Variants in IL1RAPL2 observed in about 807,000 individuals in gnomAD.
IL1RAPL2 encodes the protein X-linked interleukin-1 receptor accessory protein-like 2.
In IL1RAPL2, 3 loss-of-function variants were observed where a neutral mutation model predicts 44.1. The observed-to-expected ratio is 0.07, with a 90% CI of 0.03 to 0.18. The LOEUF is 0.18. Among genes scored for constraint, IL1RAPL2 ranks in the 10% least tolerant of loss-of-function variants. The pLI, the probability that IL1RAPL2 is intolerant of heterozygous loss-of-function variation, is 1.00. For missense variants in IL1RAPL2, 391 were observed against 496.4 expected (o/e 0.79, Z 2.02); for synonymous variants, 181 against 178.8 (o/e 1.01, Z -0.10).
intron 2 of IL1RAPL2, among the ~76,000 whole-genome samples, chrX:104,872,529 C>T (rs1462980683): frequency 9.0e-6 from 1 of 111,323 alleles, no homozygotes; most frequent in Non-Finnish European, 1.9e-5. Flanking sequence ...TGGTAAAAAC[C>T]AAGGAGCTTG....
intron 7 of IL1RAPL2, among the ~76,000 whole-genome samples, chrX:105,727,571 T>G (rs780192787): frequency 5.4e-5 from 6 of 111,496 alleles, no homozygotes; most frequent in Admixed American, 9.6e-5. Flanking sequence ...AACTCTCTGG[T>G]GGCAGTTCAA....
intron 2 of IL1RAPL2, among the ~76,000 whole-genome samples, chrX:104,813,550 G>A (rs940667515): frequency 2.7e-5 from 3 of 111,597 alleles, no homozygotes; most frequent in Non-Finnish European, 5.7e-5. Flanking sequence ...ACAAGCTTAT[G>A]TTAAATATCT....
intron 5 of IL1RAPL2, among the ~76,000 whole-genome samples, chrX:105,390,419 G>A (rs751345963): frequency 1.8e-5 from 2 of 111,642 alleles, no homozygotes; most frequent in East Asian, 2.8e-4. Flanking sequence ...CATCTAGCAC[G>A]GTGCCTGACG....
intron 8 of IL1RAPL2, 56 bp from the exon 9 acceptor site, chrX:105,748,904 A>C (rs1369106392): frequency 1.8e-6 from 2 of 1,102,254 alleles, no homozygotes; most frequent in East Asian, 3.0e-5. Flanking sequence ...AAATATGGGA[A>C]GATCCCAAGT....
At position 105,353,292 on chromosome X, in the gene IL1RAPL2, A is replaced by G. The variant is rs773964023; in HGVS notation, c.697+85751A>G. 9.0e-5 allele frequency among the ~76,000 whole-genome samples: 10 copies of G among 111,026 alleles called. No homozygotes were observed. In the East Asian group the frequency reaches 2.9e-3, roughly 32 times the overall value. Reference sequence around the variant, plus strand: ...TCTGTTCTGTTCCATTGGTCTATATATCTGTTTAGGTACCAGTACCATGCT... The same window carrying G: ...TCTGTTCTGTTCCATTGGTCTATATGTCTGTTTAGGTACCAGTACCATGCT... On this transcript the variant is annotated intron_variant, in intron 5 of 10. Transcript: ENST00000372582.
intron 6 of IL1RAPL2, among the ~76,000 whole-genome samples, chrX:105,599,627 T>A (rs987188676): frequency 3.5e-4 from 39 of 111,208 alleles, no homozygotes; most frequent in African/African-American, 1.3e-3. Flanking sequence ...TAAAAAAAAA[T>A]CAAATTTAAT....
chrX:105,227,241 TATG>T (rs1251100122), intron 3 of IL1RAPL2, among the ~76,000 whole-genome samples: 18 of 111,504 alleles, frequency 1.6e-4, no homozygotes, highest in Non-Finnish European at 3.4e-4. Flanking sequence ...ATAAAAAAAT[TATG>T]ATATGTTTAT....
chrX:104,730,220 T>G (rs1412140222), intron 2 of IL1RAPL2, among the ~76,000 whole-genome samples: 2 of 111,220 alleles, frequency 1.8e-5, no homozygotes, highest in Admixed American at 1.9e-4. Flanking sequence ...CTGAAGTAAT[T>G]TATTAAAATA....
chrX:104,694,997 G>T (rs1931153104), intron 2 of IL1RAPL2, among the ~76,000 whole-genome samples: 1 of 112,241 alleles, frequency 8.9e-6, no homozygotes, highest in Non-Finnish European at 1.9e-5. Context: ...AACTGATAAT[G>T]TCCAGCCTCA....
chrX:104,570,993 C>CTGA (rs1928137626), intron 1 of IL1RAPL2, among the ~76,000 whole-genome samples: 1 of 110,023 alleles, frequency 9.1e-6, no homozygotes, highest in South Asian at 3.9e-4. Context: ...TTCTCTAACC[C>CTGA]TAGCACCTCT....
intron 4 of IL1RAPL2, among the ~76,000 whole-genome samples, chrX:105,251,580 G>A (rs2034268943): frequency 1.0e-5 from 1 of 99,772 alleles, no homozygotes; most frequent in African/African-American, 3.6e-5. Flanking sequence ...AAGTGGGGAG[G>A]TTTTTTTTTT....
At chrX:104,739,473 G>A (rs1371677430) in intron 2 of IL1RAPL2, among the ~76,000 whole-genome samples, 1 of 111,744 alleles carries the variant, frequency 8.9e-6, no homozygotes, top group African/African-American at 3.3e-5. Flanking sequence ...AAGGAGTGTG[G>A]TCTGGGCATC....
At chrX:104,695,576 G>C (rs1307930537) in intron 2 of IL1RAPL2, among the ~76,000 whole-genome samples, 2 of 67,965 alleles carry the variant, frequency 2.9e-5, no homozygotes, top group Non-Finnish European at 7.1e-5. Flanking sequence ...CCTAGCATCA[G>C]AACCATAACA....
intron 4 of IL1RAPL2, among the ~76,000 whole-genome samples, chrX:105,262,234 T>C (rs147160183): frequency 0.012 from 1,318 of 111,538 alleles, 25 homozygotes; most frequent in African/African-American, 0.041. Context: ...TTTCTTGTTG[T>C]GAGGATAGTA....
intron 2 of IL1RAPL2, among the ~76,000 whole-genome samples, chrX:104,890,013 A>T (rs1923374665): frequency 9.0e-6 from 1 of 110,642 alleles, no homozygotes; most frequent in African/African-American, 3.3e-5. Flanking sequence ...AGTGTTCTCA[A>T]TGTTCAATTC....
In IL1RAPL2 at chrX:104,784,149, T is replaced by C. The variant is rs890624309; in HGVS notation, c.82+125154T>C. The stretch of plus-strand genomic sequence containing the variant: ...TTCATGCTGAAATTGGGTGGCAAGA[T>C]GCACATGTATTTCTTGGGATAACTT... On this transcript the variant is annotated intron_variant, in intron 2 of 10. Transcript: ENST00000372582. Among the ~76,000 whole-genome samples, 7 of 112,271 alleles carry C rather than the reference T, an allele frequency of 6.2e-5. No homozygotes were observed. In the Admixed American group the frequency reaches 6.6e-4, roughly 11 times the overall value.
intron 5 of IL1RAPL2, among the ~76,000 whole-genome samples, chrX:105,324,367 C>T (rs376328848): frequency 9.0e-6 from 1 of 111,275 alleles, no homozygotes; most frequent in South Asian, 3.8e-4. Flanking sequence ...GATTGGATTC[C>T]CTTAACCTAT....
chrX:104,858,400 C>T (rs1221564238), intron 2 of IL1RAPL2, among the ~76,000 whole-genome samples: 1 of 111,772 alleles, frequency 8.9e-6, no homozygotes, highest in African/African-American at 3.2e-5. Flanking sequence ...TTGGTATGAA[C>T]TTCACTAATT....
intron 2 of IL1RAPL2, among the ~76,000 whole-genome samples, chrX:105,080,822 C>G (rs2032394892): frequency 8.9e-6 from 1 of 111,773 alleles, no homozygotes; most frequent in South Asian, 3.8e-4. Flanking sequence ...TGGCCGTTTT[C>G]ATGATATTGA....
Sources: gnomAD v4.1 joint callset for allele counts (sites outside exome capture counted in the v4.1 genomes callset) on GRCh38, gnomAD v4.1.1 for gene constraint, MANE v1.5 for transcripts, NCBI Gene and HGNC (gene_info 2026-07-23, HGNC 2026-07-21) for gene names.